Variants in STK3 observed in about 807,000 individuals in gnomAD.
The protein encoded by STK3 is serine/threonine kinase 3, also known as serine/threonine-protein kinase 3.
STK3 carries 41 observed loss-of-function variants against 58.0 expected under a neutral mutation model. That is an observed-to-expected ratio of 0.71 (90% CI 0.55 to 0.92). The LOEUF (loss-of-function observed/expected upper bound fraction) is 0.92, where lower values mean the gene tolerates loss of function less well. Among genes scored for constraint, STK3 ranks in the 40% least tolerant of loss-of-function variants. The probability of loss-of-function intolerance (pLI) is 0.00; values close to 1 mark genes in which losing one functional copy is unlikely to be tolerated. For synonymous variants in STK3, 170 were observed against 191.0 expected (o/e 0.89, Z 0.91); for missense variants, 479 against 602.7 (o/e 0.79, Z 2.15).
intron 1 of STK3, among the ~76,000 whole-genome samples, chr8:98,899,317 T>A (rs1201115240): frequency 6.6e-6 from 1 of 152,142 alleles, no homozygotes; most frequent in African/African-American, 2.4e-5. Context: ...TTAATATTAA[T>A]AGTAGTTACC....
chr8:98,372,381 G>A (rs1018883662), intron 2 of STK3, among the ~76,000 whole-genome samples: 11 of 152,180 alleles, frequency 7.2e-5, no homozygotes, highest in African/African-American at 2.7e-4. Context: ...CAGCTGGGGA[G>A]GCCCGCAGAC....
chr8:98,462,016 T>C lies in STK3; in HGVS notation c.1318-6016A>G, dbSNP rs947736375. Among the ~76,000 whole-genome samples the C allele has an allele frequency of 4.6e-5, 7 of 152,242 alleles. No individual in the cohort carries two copies. The South Asian group carries it at 8.3e-4, about 18-fold the overall frequency. ...TACCTGAAATGTTTTGATACTGGCATGCAATTGTGAAATAAGCACCTCATT... is the reference window on the plus strand; with the variant it reads ...TACCTGAAATGTTTTGATACTGGCACGCAATTGTGAAATAAGCACCTCATT... On this transcript the variant is annotated intron_variant, in intron 10 of 10. Coordinates refer to ENST00000419617, the MANE Select transcript of STK3 (RefSeq NM_006281.4).
intron 3 of STK3, among the ~76,000 whole-genome samples, chr8:98,863,631 C>A (rs920030887): frequency 6.6e-6 from 1 of 152,046 alleles, no homozygotes; most frequent in Non-Finnish European, 1.5e-5. Flanking sequence ...AACCAGTATA[C>A]AAAAAAATTT....
intron 3 of STK3, among the ~76,000 whole-genome samples, chr8:98,845,853 A>G (rs543529699): frequency 1.3e-5 from 2 of 152,304 alleles, no homozygotes; most frequent in South Asian, 4.1e-4. Context: ...GAACTCCTGG[A>G]GCTACATTGA....
intron 2 of STK3, 21 bp downstream of exon 2, chr8:98,774,718 T>A: frequency 6.6e-7 from 1 of 1,512,290 alleles, no homozygotes; most frequent in Non-Finnish European, 8.9e-7. Context: ...ATTTACATGC[T>A]TTCATACTTT....
chr8:98,672,858 C>T (rs1205664032), intron 6 of STK3, among the ~76,000 whole-genome samples: 3 of 152,010 alleles, frequency 2.0e-5, no homozygotes, highest in Admixed American at 6.6e-5. Context: ...TAGTGGAGGT[C>T]GGGGGCAGTC....
At chr8:98,373,991 C>A (rs2130992512) in intron 2 of STK3, among the ~76,000 whole-genome samples, 1 of 152,284 alleles carries the variant, frequency 6.6e-6, no homozygotes, top group South Asian at 2.1e-4. Flanking sequence ...CTCTGTTTTT[C>A]TAGATCTGAA....
intron 1 of STK3, among the ~76,000 whole-genome samples, chr8:98,776,683 T>C (rs1388496821): frequency 6.6e-6 from 1 of 152,010 alleles, no homozygotes; most frequent in African/African-American, 2.4e-5. Context: ...GCACAATCTC[T>C]AGCTTGCAAC....
chr8:98,532,093 T>C (rs2131511537), intron 9 of STK3, among the ~76,000 whole-genome samples: 1 of 152,370 alleles, frequency 6.6e-6, no homozygotes, highest in Non-Finnish European at 1.5e-5. Flanking sequence ...TAAGAAGTTT[T>C]TCTTTGCATT....
intron 1 of STK3, among the ~76,000 whole-genome samples, chr8:98,820,803 C>T (rs1834847687): frequency 6.6e-6 from 1 of 152,032 alleles, no homozygotes; most frequent in African/African-American, 2.4e-5. Flanking sequence ...CGGTAAAACC[C>T]CATCTCTACT....
chr8:98,872,607 A>T (rs1837417390), intron 3 of STK3, among the ~76,000 whole-genome samples: 2 of 151,854 alleles, frequency 1.3e-5, no homozygotes, highest in Admixed American at 1.3e-4. Flanking sequence ...TTTCTTCTAG[A>T]TTTTCTAGTT....
At chr8:98,728,341 T>C (rs1485469971) in intron 4 of STK3, among the ~76,000 whole-genome samples, 1 of 152,188 alleles carries the variant, frequency 6.6e-6, no homozygotes, top group Non-Finnish European at 1.5e-5. Flanking sequence ...GAAAAATAAC[T>C]AGAATATTTT....
intron 10 of STK3, among the ~76,000 whole-genome samples, chr8:98,477,978 A>C (rs2131263323): frequency 6.6e-6 from 1 of 152,284 alleles, no homozygotes; most frequent in South Asian, 2.1e-4. Context: ...GAGAACCAGC[A>C]GTCTACTCTA....
At chr8:98,740,759 G>A (rs545119235) in intron 4 of STK3, among the ~76,000 whole-genome samples, 16 of 152,282 alleles carry the variant, frequency 1.1e-4, no homozygotes, top group African/African-American at 3.9e-4. Flanking sequence ...AACTTTAAAT[G>A]TAAATGGACT....
chr8:98,453,473 T>C (rs1184082739), downstream of STK3, among the ~76,000 whole-genome samples: 2 of 152,094 alleles, frequency 1.3e-5, no homozygotes, highest in South Asian at 2.1e-4. Context: ...ATAGGAAAAA[T>C]TTAAAAGTAG....
intron 6 of STK3, among the ~76,000 whole-genome samples, chr8:98,660,777 T>C (rs1191753832): frequency 6.6e-6 from 1 of 152,098 alleles, no homozygotes; most frequent in Non-Finnish European, 1.5e-5. Flanking sequence ...CCAGTATTTG[T>C]CAGTCAAGAT....
At chr8:98,712,397 A>T (rs909778975) in intron 4 of STK3, among the ~76,000 whole-genome samples, 52 of 152,222 alleles carry the variant, frequency 3.4e-4, no homozygotes, top group South Asian at 8.3e-4. Flanking sequence ...CCATCTCACG[A>T]GCAGAGACAC....
intron 1 of STK3, among the ~76,000 whole-genome samples, chr8:98,382,801 C>T (rs1427327163): frequency 6.6e-6 from 1 of 152,216 alleles, no homozygotes; most frequent in East Asian, 1.9e-4. Flanking sequence ...AAACTGGGCC[C>T]AACTGATACG....
intron 6 of STK3, among the ~76,000 whole-genome samples, chr8:98,624,033 C>T (rs1250235726): frequency 6.6e-6 from 1 of 152,200 alleles, no homozygotes; most frequent in Non-Finnish European, 1.5e-5. Flanking sequence ...TGCTAATAGT[C>T]TCCAGTTTTT....
Sources: gnomAD v4.1 joint callset for allele counts (sites outside exome capture counted in the v4.1 genomes callset) on GRCh38, gnomAD v4.1.1 for gene constraint, MANE v1.5 for transcripts, NCBI Gene and HGNC (gene_info 2026-07-23, HGNC 2026-07-21) for gene names.